SIM1: variants seen among roughly 807,000 people sequenced by gnomAD.
SIM1 encodes the protein SIM bHLH transcription factor 1.
In SIM1, 18 loss-of-function variants were observed where a neutral mutation model predicts 78.2. The observed-to-expected ratio is 0.23, with a 90% CI of 0.16 to 0.34. The LOEUF (loss-of-function observed/expected upper bound fraction) is 0.34, where lower values mean the gene tolerates loss of function less well. Ranked by LOEUF, SIM1 falls within the 10% of genes least tolerant of loss-of-function variation. The probability of loss-of-function intolerance (pLI) is 1.00; values close to 1 mark genes in which losing one functional copy is unlikely to be tolerated. For missense variants in SIM1, 939 were observed against 975.1 expected (o/e 0.96, Z 0.49); for synonymous variants, 417 against 385.2 (o/e 1.08, Z -0.97).
chr6:100,418,619 G>A (rs973368117), intron 10 of SIM1, among the ~76,000 whole-genome samples: 4 of 152,060 alleles, frequency 2.6e-5, no homozygotes, highest in Non-Finnish European at 5.9e-5. Context: ...AGACAGTGAG[G>A]ATTTGGGGGT....
At chr6:100,395,962 CA>C (rs1474613379) in intron 10 of SIM1, 3 of 251,268 alleles carry the variant, frequency 1.2e-5, no homozygotes, top group African/African-American at 6.9e-5. Flanking sequence ...GGACTATCAG[CA>C]TATTCCATCA....
intron 10 of SIM1, among the ~76,000 whole-genome samples, chr6:100,412,583 G>GAAAGAA (rs1562239468): frequency 8.3e-5 from 7 of 84,528 alleles, no homozygotes; most frequent in African/African-American, 2.1e-4. Flanking sequence ...AAGAAAGAAA[G>GAAAGAA]AAAGAAAGAA....
At chr6:100,454,624 C>T (rs1454408520) in intron 2 of SIM1, among the ~76,000 whole-genome samples, 2 of 152,118 alleles carry the variant, frequency 1.3e-5, no homozygotes, top group Admixed American at 1.3e-4. Flanking sequence ...ACTCATTCAA[C>T]TTTTCTACTT....
chr6:100,439,042 A>G (rs1562251041), intron 9 of SIM1, among the ~76,000 whole-genome samples: 1 of 152,176 alleles, frequency 6.6e-6, no homozygotes, highest in Non-Finnish European at 1.5e-5. Context: ...CTAAAATTTC[A>G]TAAATCACCA....
chr6:100,442,940 T>C (rs941866236), intron 9 of SIM1, among the ~76,000 whole-genome samples: 6 of 152,134 alleles, frequency 3.9e-5, no homozygotes, highest in African/African-American at 1.4e-4. Context: ...TGTTAACATT[T>C]AAAATCCTTT....
rs186786835 is a variant in SIM1, at chr6:100,415,051, T to C, written c.1167+5739A>G. 3.8e-3 allele frequency among the ~76,000 whole-genome samples: 573 copies of C among 152,326 alleles called. 3 individuals carry two copies. The highest frequency in any genetic ancestry group is 0.013 in the African/African-American group (556 of 41,578). ...GCACTGTTACTACTGAATTATATAG[T>C]GTATTGGTTATTACTGACTAGGGAA... On this transcript the variant is annotated intron_variant, in intron 10 of 11. Coordinates refer to ENST00000369208, the MANE Select transcript of SIM1 (RefSeq NM_005068.3).
intron 11 of SIM1, among the ~76,000 whole-genome samples, chr6:100,391,404 T>C (rs751666647): frequency 6.6e-6 from 1 of 152,214 alleles, no homozygotes; most frequent in African/African-American, 2.4e-5. Context: ...TACTTCTCCA[T>C]GGATATATGT....
chr6:100,425,338 T>C (rs894230422), intron 9 of SIM1, among the ~76,000 whole-genome samples: 5 of 152,204 alleles, frequency 3.3e-5, no homozygotes, highest in African/African-American at 1.2e-4. Flanking sequence ...AAATTTACTC[T>C]GTTACTTTTT....
At chr6:100,443,739 A>C (rs1772277392) in intron 9 of SIM1, among the ~76,000 whole-genome samples, 1 of 152,134 alleles carries the variant, frequency 6.6e-6, no homozygotes, top group South Asian at 2.1e-4. Flanking sequence ...GGAAAATGCT[A>C]TTCAAGGATG....
At position 100,436,351 on chromosome 6, in the gene SIM1, T is replaced by C. The variant is rs191394347; in HGVS notation, c.998+10917A>G. 2.1e-3 allele frequency among the ~76,000 whole-genome samples: 318 copies of C among 152,316 alleles called. 1 individual carries two copies. The highest frequency in any genetic ancestry group is 7.2e-3 in the African/African-American group (298 of 41,562). On this transcript the variant is annotated intron_variant, in intron 9 of 11. Coordinates refer to ENST00000369208, the MANE Select transcript of SIM1 (RefSeq NM_005068.3). ...CACATAATAGGTGTTCAATAAGCCTTTTATGAATGCTTAAAGGCCACTAGT... is the reference window on the plus strand; with the variant it reads ...CACATAATAGGTGTTCAATAAGCCTCTTATGAATGCTTAAAGGCCACTAGT...
intron 9 of SIM1, among the ~76,000 whole-genome samples, chr6:100,431,142 C>CA (rs1378746022): frequency 1.3e-5 from 2 of 152,044 alleles, no homozygotes. Context: ...AATGACACCG[C>CA]AAAAAATGAT....
At chr6:100,456,737 G>T (rs1772674987) in intron 2 of SIM1, among the ~76,000 whole-genome samples, 1 of 152,200 alleles carries the variant, frequency 6.6e-6, no homozygotes, top group Non-Finnish European at 1.5e-5. Flanking sequence ...TAGAAGGGAT[G>T]TATCTATTAT....
intron 2 of SIM1, among the ~76,000 whole-genome samples, chr6:100,461,485 C>T (rs1772842443): frequency 6.6e-6 from 1 of 152,220 alleles, no homozygotes; most frequent in South Asian, 2.1e-4. Flanking sequence ...ACTCGCAGCC[C>T]CACAAGCAAC....
intron 10 of SIM1, among the ~76,000 whole-genome samples, chr6:100,399,045 A>T (rs1407698347): frequency 6.6e-6 from 1 of 151,958 alleles, no homozygotes; most frequent in Non-Finnish European, 1.5e-5. Context: ...TCTAATGATT[A>T]GTGATGTTGA....
chr6:100,394,603 C>G (rs72935895), intron 10 of SIM1, among the ~76,000 whole-genome samples: 10,352 of 152,144 alleles, frequency 0.068, 460 homozygotes, highest in East Asian at 0.18. Context: ...CAGGGTCTTA[C>G]TTTGTTGTCC....
chr6:100,433,713 G>A (rs2114521320), intron 9 of SIM1, among the ~76,000 whole-genome samples: 2 of 149,734 alleles, frequency 1.3e-5, no homozygotes, highest in Admixed American at 1.3e-4. Context: ...TGCAGCCTGG[G>A]CAACAGATTA....
intron 10 of SIM1, chr6:100,396,127 C>T (rs762070635): frequency 1.4e-5 from 14 of 975,106 alleles, no homozygotes; most frequent in Non-Finnish European, 1.7e-5. Context: ...CAAGATATCG[C>T]CTTCACTTTC....
chr6:100,446,444 A>G (rs1460436628), intron 9 of SIM1, among the ~76,000 whole-genome samples: 1 of 152,216 alleles, frequency 6.6e-6, no homozygotes, highest in African/African-American at 2.4e-5. Flanking sequence ...CAGCACACAC[A>G]AGAGTTCTTC....
Position 100,463,474 on chromosome 6 carries a change from C to G in SIM1, c.-6G>C, listed in dbSNP as rs748835544. The stretch of plus-strand genomic sequence containing the variant: ...TTTTTGGACTTTTCTTTCATTGTGT[C>G]TTGTTCCCCCTTTCTTCTCACAACT... On this transcript the variant is annotated 5_prime_UTR_variant, in exon 2 of 12. Transcript: ENST00000369208. 6.3e-7 allele frequency: 1 copy of G among 1,594,734 alleles called. No individual in the cohort carries two copies. The highest frequency in any genetic ancestry group is 1.1e-5 in the South Asian group (1 of 90,166).
Sources: gnomAD v4.1 joint callset for allele counts (sites outside exome capture counted in the v4.1 genomes callset) on GRCh38, gnomAD v4.1.1 for gene constraint, MANE v1.5 for transcripts, NCBI Gene and HGNC (gene_info 2026-07-23, HGNC 2026-07-21) for gene names.